Variants in DOCK6 observed in about 807,000 individuals in gnomAD.
The protein encoded by DOCK6 is dedicator of cytokinesis protein 6.
DOCK6 carries 167 observed loss-of-function variants against 230.3 expected under a neutral mutation model. That is an observed-to-expected ratio of 0.73 (90% CI 0.64 to 0.82). The LOEUF is 0.82. Ranked by LOEUF, DOCK6 falls within the 40% of genes least tolerant of loss-of-function variation. The pLI, the probability that DOCK6 is intolerant of heterozygous loss-of-function variation, is 0.00. For synonymous variants in DOCK6, 1,148 were observed against 1,185.0 expected (o/e 0.97, Z 0.64); for missense variants, 2,598 against 2,825.8 (o/e 0.92, Z 1.83).
intron 20 of DOCK6, 190 bp from the exon 21 acceptor site, chr19:11,235,949 C>T (rs575298998): frequency 1.0e-5 from 7 of 696,364 alleles, no homozygotes; most frequent in Middle Eastern, 4.4e-4. Flanking sequence ...GGCATGATCT[C>T]GGCTCACTGT....
chr19:11,220,056 C>T (rs527290820), intron 28 of DOCK6, among the ~76,000 whole-genome samples: 5 of 151,868 alleles, frequency 3.3e-5, no homozygotes, highest in South Asian at 4.2e-4. Flanking sequence ...CAGGTTCAAG[C>T]GATACTCCTG....
In DOCK6 at chr19:11,236,498, A is replaced by T. The variant is rs751730387; in HGVS notation, c.2240T>A (p.Val747Glu). 6.9e-6 allele frequency: 11 copies of T among 1,603,832 alleles called. No individual in the cohort carries two copies. The highest frequency in any genetic ancestry group is 9.4e-6 in the Non-Finnish European group (11 of 1,175,770). The change falls in exon 20 of 48, where the codon GTG becomes GAG. Residue 747 changes from valine (V) to glutamate (E), a missense_variant. Transcript: ENST00000294618. The surrounding 1 kb of genome is among the most constrained non-coding windows in gnomAD (Gnocchi z 5.2). The stretch of plus-strand genomic sequence containing the variant: ...CTGCTCCACGTTGCCCTCGCTCAGC[A>T]CAGTGTCCTTGAGCCGGAATGGGAA... Reference protein sequence around the residue: ...GAFPFRLKDTVLSEGNVEQEL... With the variant: ...GAFPFRLKDTELSEGNVEQEL...
intron 39 of DOCK6, among the ~76,000 whole-genome samples, chr19:11,207,662 C>T (rs1405683337): frequency 6.6e-6 from 1 of 151,840 alleles, no homozygotes; most frequent in Non-Finnish European, 1.5e-5. Context: ...TGTAGTGGCA[C>T]AACACCTGTA....
chr19:11,214,473 G>A (rs769018430), intron 33 of DOCK6, 64 bp from the exon 34 acceptor site: 403 of 1,613,492 alleles, frequency 2.5e-4, no homozygotes, highest in Admixed American at 1.2e-3. Flanking sequence ...GAAAGGGAAG[G>A]AGAGGGATTA....
chr19:11,256,339 G>A (rs916351313), intron 1 of DOCK6, among the ~76,000 whole-genome samples: 18 of 152,212 alleles, frequency 1.2e-4, no homozygotes, highest in African/African-American at 4.3e-4. Context: ...GGAGGGAGAG[G>A]GGAGGAGGGA....
In DOCK6 at chr19:11,236,944, GC is replaced by G; in HGVS notation, c.2074-66del. ...CCCTGACTGATCAGGTCACCCAGCG[GC>G]CCCAGCCATTGCGACACTGCAGCGT... On this transcript the variant is annotated intron_variant, in intron 18 of 47. Transcript: ENST00000294618. This position sits in a 1 kb window ranked among gnomAD's most constrained non-coding sequence, Gnocchi z 5.2. The G allele has an allele frequency of 6.7e-7, 1 of 1,490,118 alleles. No homozygotes were observed. The highest frequency in any genetic ancestry group is 9.0e-7 in the Non-Finnish European group (1 of 1,105,728). The allele number at this position is 1,490,118 out of a possible 1,614,324, so 92.3% of individuals were successfully genotyped here.
intron 1 of DOCK6, among the ~76,000 whole-genome samples, chr19:11,259,224 T>C (rs1436496817): frequency 1.3e-5 from 2 of 151,970 alleles, no homozygotes; most frequent in Non-Finnish European, 2.9e-5. Flanking sequence ...CTGGGTAATT[T>C]TGTTTCTTGC....
chr19:11,226,782 G>T lies in DOCK6; in HGVS notation c.2955+555C>A, dbSNP rs74812424. Among the ~76,000 whole-genome samples the T allele has an allele frequency of 4.1e-3, 629 of 152,296 alleles. 1 individual carries two copies. The highest frequency in any genetic ancestry group is 0.027 in the Middle Eastern group (8 of 294). On this transcript the variant is annotated intron_variant, in intron 24 of 47. Transcript: ENST00000294618. The stretch of plus-strand genomic sequence containing the variant: ...TAGTATTGCCTGCCTAGCCCCTGAG[G>T]GCATTGGAATTGGTAATCCAGGGCC...
intron 22 of DOCK6, chr19:11,232,340 C>T (rs1013073720): frequency 1.6e-6 from 2 of 1,263,924 alleles, no homozygotes; most frequent in African/African-American, 3.1e-5. Context: ...GCAGGGAAAG[C>T]AGCATGAAAT....
chr19:11,230,231 T>C (rs926472763), intron 22 of DOCK6, among the ~76,000 whole-genome samples: 2 of 151,520 alleles, frequency 1.3e-5, no homozygotes, highest in African/African-American at 4.9e-5. Context: ...TCCAGCTACT[T>C]GGGAGGCTGA....
chr19:11,213,140 GCCATGTGTGGA>G, intron 35 of DOCK6, 25 bp downstream of exon 35: 1 of 1,597,162 alleles, frequency 6.3e-7, no homozygotes, highest in Non-Finnish European at 8.6e-7. Flanking sequence ...CCTGACCAGA[GCCATGTGTGGA>G]CCATGCCTCC....
In DOCK6 at chr19:11,202,739, C is replaced by T. The variant is rs767255647; in HGVS notation, c.5236-30G>A. 4.3e-5 allele frequency: 70 copies of T among 1,611,504 alleles called. No individual in the cohort carries two copies. The highest frequency in any genetic ancestry group is 2.2e-4 in the Admixed American group (13 of 59,998). ...GGCTGTGAGAAAGGGTGTGGTTGTC[C>T]GGGAGGCCCCTGCTGGAGGTCTCCC... On this transcript the variant is annotated intron_variant, in intron 41 of 47. Transcript: ENST00000294618. This position sits in a 1 kb window ranked among gnomAD's most constrained non-coding sequence, Gnocchi z 5.3.
chr19:11,240,797 T>C (rs565164539), intron 14 of DOCK6, among the ~76,000 whole-genome samples: 20 of 151,210 alleles, frequency 1.3e-4, no homozygotes, highest in African/African-American at 4.8e-4. Flanking sequence ...CTCGAACTCC[T>C]GACCTCAAGG....
rs761880865 is a variant in DOCK6 at position 11,201,004 on chromosome 19, T to G, written c.5737A>C (p.Thr1913Pro). 6 of 1,613,874 alleles carry G rather than the reference T, an allele frequency of 3.7e-6. No individual in the cohort carries two copies. The Admixed American group carries it at 8.3e-5, about 22-fold the overall frequency. ...EVAIEDMQKK[T>P]RELAFATEQD... Reference sequence around the variant, plus strand: ...TCGGTGGCAAAGGCCAGCTCCCGTGTCTTCTTCTGCATGTCCTCGATGGCC... The same window carrying G: ...TCGGTGGCAAAGGCCAGCTCCCGTGGCTTCTTCTGCATGTCCTCGATGGCC... The change falls in exon 45 of 48, where the codon ACA becomes CCA. Residue 1913 changes from threonine (T) to proline (P), a missense_variant. Coordinates refer to ENST00000294618, the MANE Select transcript of DOCK6 (RefSeq NM_020812.4). The surrounding 1 kb of genome is among the most constrained non-coding windows in gnomAD (Gnocchi z 4.3).
chr19:11,210,664 GTCTA>G (rs752979334), intron 37 of DOCK6, among the ~76,000 whole-genome samples: 7 of 136,918 alleles, frequency 5.1e-5, no homozygotes, highest in Non-Finnish European at 9.3e-5. Context: ...TCCTTCGCCT[GTCTA>G]TCCCCTCATC....
chr19:11,201,861 C>T lies in DOCK6; in HGVS notation c.5688+28G>A, dbSNP rs750861511. The T allele has an allele frequency of 3.3e-6, 5 of 1,520,874 alleles. No homozygotes were observed. Among genetic ancestry groups the T allele is most frequent in the Non-Finnish European group, 4.4e-6 (5 of 1,124,504 alleles). The allele number at this position is 1,520,874 out of a possible 1,614,324, so 94.2% of individuals were successfully genotyped here. ...GTCTGATGTCCCCTCACCTCCCCAC[C>T]CCCGCCAGGCCCAGGATCCCCACCC... On this transcript the variant is annotated intron_variant, in intron 44 of 47. Coordinates refer to ENST00000294618, the MANE Select transcript of DOCK6 (RefSeq NM_020812.4). The surrounding 1 kb of genome is among the most constrained non-coding windows in gnomAD (Gnocchi z 4.3).
intron 22 of DOCK6, among the ~76,000 whole-genome samples, chr19:11,229,907 G>A (rs1195667967): frequency 6.6e-6 from 1 of 151,952 alleles, no homozygotes; most frequent in African/African-American, 2.4e-5. Context: ...GGCTGGGCCT[G>A]GTGGCGTGTG....
rs1339538403 is a variant in DOCK6 at position 11,201,437 on chromosome 19, A to G, written c.5689-385T>C. On this transcript the variant is annotated intron_variant, in intron 44 of 47. Coordinates refer to ENST00000294618, the MANE Select transcript of DOCK6 (RefSeq NM_020812.4). The surrounding 1 kb of genome is among the most constrained non-coding windows in gnomAD (Gnocchi z 4.3). ...GCTTCTCCTCCCTGGGCCTTCTTAG[A>G]TTTGGAGTCCCTGTGCCTCCCCTTT... Among the ~76,000 whole-genome samples, 2 of 150,936 alleles carry G rather than the reference A, an allele frequency of 1.3e-5. No homozygotes were observed. Among genetic ancestry groups the G allele is most frequent in the African/African-American group, 2.4e-5 (1 of 40,968 alleles).
Position 11,236,958 on chromosome 19 carries a change from G to T in DOCK6, c.2074-79C>A. The T allele has an allele frequency of 7.1e-7, 1 of 1,410,822 alleles. No individual in the cohort carries two copies. Among genetic ancestry groups the T allele is most frequent in the Non-Finnish European group, 9.6e-7 (1 of 1,040,176 alleles). 87.4% of individuals were successfully genotyped at this position (1,410,822 alleles called of 1,614,324 possible). ...GTCACCCAGCGGCCCCAGCCATTGC[G>T]ACACTGCAGCGTGAGTGTAGCCCGG... On this transcript the variant is annotated intron_variant, in intron 18 of 47. Coordinates refer to ENST00000294618, the MANE Select transcript of DOCK6 (RefSeq NM_020812.4). The surrounding 1 kb of genome is among the most constrained non-coding windows in gnomAD (Gnocchi z 5.2).
Sources: gnomAD v4.1 joint callset for allele counts (sites outside exome capture counted in the v4.1 genomes callset) on GRCh38, gnomAD v4.1.1 for gene constraint, Gnocchi (gnomAD v3.1) non-coding constraint, MANE v1.5 for transcripts, NCBI Gene and HGNC (gene_info 2026-07-23, HGNC 2026-07-21) for gene names.